The following SPX variants were observed in gnomAD, a reference collection of about 807,000 sequenced individuals.
SPX encodes spexin hormone.
SPX carries 22 observed loss-of-function variants against 19.2 expected under a neutral mutation model. The ratio of observed to expected loss-of-function variants is 1.15; its 90% confidence interval spans 0.82 to 1.64. The LOEUF (loss-of-function observed/expected upper bound fraction) is 1.64. Ranked by LOEUF, SPX falls within the 40% of genes most tolerant of loss-of-function variation. The probability of loss-of-function intolerance (pLI) is 0.00; values close to 1 mark genes in which losing one functional copy is unlikely to be tolerated. For missense variants in SPX, 143 were observed against 137.7 expected (o/e 1.04, Z -0.19); for synonymous variants, 50 against 53.3 (o/e 0.94, Z 0.27).
intron 5 of SPX, 110 bp downstream of exon 5, chr12:21,529,194 C>A: frequency 3.0e-6 from 3 of 1,011,584 alleles, no homozygotes; most frequent in Non-Finnish European, 4.6e-6. Flanking sequence ...GCCTTAGGCC[C>A]AGAAATTCTA....
chr12:21,527,354 G>A, intron 3 of SPX, 162 bp downstream of exon 3: 1 of 675,364 alleles, frequency 1.5e-6, no homozygotes, highest in Non-Finnish European at 2.6e-6. Context: ...TGGGAGAGGG[G>A]AAGAGTCCCT....
chr12:21,530,703 A>T (rs1446037571), intron 5 of SPX, among the ~76,000 whole-genome samples: 1 of 152,130 alleles, frequency 6.6e-6, no homozygotes, highest in Non-Finnish European at 1.5e-5. Flanking sequence ...AGCTCCCCTA[A>T]TAAAAGAACA....
In SPX at chr12:21,527,778, G is replaced by A; in HGVS notation, c.197G>A (p.Arg66Gln). The change falls in exon 4 of 6, where the codon CGG becomes CAG. Residue 66 changes from arginine to glutamine, a missense_variant. By Grantham distance (43) the Arg-to-Gln change is conservative (BLOSUM62 1). Coordinates refer to ENST00000256969, the MANE Select transcript of SPX (RefSeq NM_030572.4). ...AGCCGGAGAAAGGACCTCTCCGACC[G>A]GCCACTGCCGGGTGAGTGACCAAGG... ...DQSRRKDLSD[R>Q]PLPERRSPNP... 5.1e-6 allele frequency: 8 copies of A among 1,571,182 alleles called. No individual in the cohort carries two copies. The highest frequency in any genetic ancestry group is 6.9e-6 in the Non-Finnish European group (8 of 1,157,840).
At chr12:21,527,502 G>A in intron 3 of SPX, 1 of 611,204 alleles carries the variant, frequency 1.6e-6, no homozygotes, top group Non-Finnish European at 2.9e-6. Context: ...CGCCCTTGCG[G>A]CGTCCGGTCA....
intron 3 of SPX, 82 bp from the exon 4 acceptor site, chr12:21,527,645 C>A (rs568713597): frequency 1.4e-6 from 2 of 1,384,522 alleles, no homozygotes; most frequent in Non-Finnish European, 2.0e-6. Flanking sequence ...CCGGGGACTG[C>A]GCTGTGCCGG....
chr12:21,526,984 A>T lies in SPX; in HGVS notation c.87+18A>T, dbSNP rs748171112. 1 of 1,610,298 alleles carries T rather than the reference A, an allele frequency of 6.2e-7. No homozygotes were observed. The highest frequency in any genetic ancestry group is 8.5e-7 in the Non-Finnish European group (1 of 1,176,580). ...CTCCGCAGGTAATCAAATGCAAAAT[A>T]AAAAATTTTAAAACAATGCGCACTG... On this transcript the variant is annotated intron_variant, in intron 2 of 5. Transcript: ENST00000256969.
At chr12:21,528,954 C>A in intron 4 of SPX, 47 bp from the exon 5 acceptor site, 2 of 1,506,810 alleles carry the variant, frequency 1.3e-6, no homozygotes, top group Non-Finnish European at 1.8e-6. Flanking sequence ...TTATCTACAT[C>A]AATATATAAA....
chr12:21,527,961 A>C (rs1943830995), intron 4 of SPX, 172 bp downstream of exon 4: 3 of 662,750 alleles, frequency 4.5e-6, no homozygotes, highest in Non-Finnish European at 7.3e-6. Context: ...TGGCAGCAGC[A>C]GCAGCTGGAT....
At chr12:21,528,017 T>C in intron 4 of SPX, 1 of 539,848 alleles carries the variant, frequency 1.9e-6, no homozygotes. Context: ...CCCGCGCCAA[T>C]GGTGGCAAGG....
At chr12:21,531,011 A>G in intron 5 of SPX, 126 bp from the exon 6 acceptor site, 1 of 628,874 alleles carries the variant, frequency 1.6e-6, no homozygotes, top group Non-Finnish European at 2.8e-6. Flanking sequence ...TTTCAGTAGC[A>G]GAGTCCATAA....
intron 3 of SPX, 167 bp from the exon 4 acceptor site, chr12:21,527,560 G>A (rs1943826012): frequency 1.4e-6 from 1 of 696,374 alleles, no homozygotes. Flanking sequence ...CTCAGCCCGG[G>A]GTTGCGCTGG....
intron 3 of SPX, 42 bp downstream of exon 3, chr12:21,527,234 C>T: frequency 6.5e-7 from 1 of 1,536,666 alleles, no homozygotes; most frequent in Middle Eastern, 1.7e-4. Context: ...TAATGGAAGA[C>T]CCCTAGGAGT....
In SPX at chr12:21,527,536, T is replaced by C. The variant is rs922352826; in HGVS notation, c.146-191T>C. The C allele has an allele frequency of 7.8e-6, 5 of 643,026 alleles. No individual in the cohort carries two copies. In the African/African-American group the frequency reaches 9.2e-5, roughly 12 times the overall value. The allele number at this position is 643,026 out of a possible 1,614,324, so 39.8% of individuals were successfully genotyped here. On this transcript the variant is annotated intron_variant, in intron 3 of 5. Transcript: ENST00000256969. ...CAGGCGCGGGGCTTTCCTCCAGAGC[T>C]CCAGGGCCCCTGGCTCAGCCCGGGG...
chr12:21,529,054 T>G lies in SPX; in HGVS notation c.262T>G (p.Leu88Val). The G allele has an allele frequency of 6.2e-7, 1 of 1,614,142 alleles. No individual in the cohort carries two copies. Among genetic ancestry groups the G allele is most frequent in the East Asian group, 2.2e-5 (1 of 44,870 alleles). The change falls in exon 5 of 6, where the codon TTA becomes GTA. Residue 88 changes from leucine (L) to valine (V), a missense_variant. By Grantham distance (32) the Leu-to-Val change is conservative. Coordinates refer to ENST00000256969, the MANE Select transcript of SPX (RefSeq NM_030572.4). ...LLTIPEAATI[L>V]LASLQKSPED... ...AACTATTCCGGAGGCAGCAACCATC[T>G]TACTGGCGTCCCTTCAGAAATCACC... is the stretch of plus-strand genomic sequence containing the variant.
At chr12:21,527,404 T>A (rs1189731354) in intron 3 of SPX, 1 of 612,180 alleles carries the variant, frequency 1.6e-6, no homozygotes, top group Non-Finnish European at 2.9e-6. Context: ...AAATTCTCCA[T>A]CCAAAACTGG....
In SPX at chr12:21,531,338, T is replaced by C. The variant is rs1943863453; in HGVS notation, c.*143T>C. 3.4e-6 allele frequency: 2 copies of C among 588,458 alleles called. No homozygotes were observed. The highest frequency in any genetic ancestry group is 5.7e-6 in the Non-Finnish European group (2 of 352,890). The allele number at this position is 588,458 out of a possible 1,614,324, so 36.5% of individuals were successfully genotyped here. A position where few individuals can be genotyped will look rare whatever the true frequency, so the allele number is the denominator to read the frequency against. ...TTTATTCTTTCAGAAACAAAATATA[T>C]ATAGGATGCTTAGCTGAGAACATCA... On this transcript the variant is annotated 3_prime_UTR_variant, in exon 6 of 6. Coordinates refer to ENST00000256969, the MANE Select transcript of SPX (RefSeq NM_030572.4).
chr12:21,531,426 C>A lies in SPX; in HGVS notation c.*231C>A. ...AAAATGTTTTCAGATCACCTTGTGT[C>A]TTACTCTTGAGTTTCTTAGAATATT... On this transcript the variant is annotated 3_prime_UTR_variant, in exon 6 of 6. Transcript: ENST00000256969. 1 of 354,620 alleles carries A rather than the reference C, an allele frequency of 2.8e-6. No homozygotes were observed. Among genetic ancestry groups the A allele is most frequent in the Non-Finnish European group, 5.0e-6 (1 of 199,044 alleles). The allele number at this position is 354,620 out of a possible 1,614,324, so 22.0% of individuals were successfully genotyped here.
At position 21,529,061 on chromosome 12, in the gene SPX, C is replaced by T. The variant is rs373933361; in HGVS notation, c.269C>T (p.Ala90Val). 5.0e-6 allele frequency: 8 copies of T among 1,614,114 alleles called. No homozygotes were observed. The highest frequency in any genetic ancestry group is 1.7e-5 in the Admixed American group (1 of 60,018). The change falls in exon 5 of 6, where the codon GCG (alanine) becomes GTG (valine). Residue 90 changes from alanine (A) to valine (V), a missense_variant. Coordinates refer to ENST00000256969, the MANE Select transcript of SPX (RefSeq NM_030572.4). ...CCGGAGGCAGCAACCATCTTACTGG[C>T]GTCCCTTCAGAAATCACCAGAAGGT... ...TIPEAATILL[A>V]SLQKSPEDEE...
rs984382575 is a variant in SPX, at chr12:21,532,877, C to T, written c.*1682C>T. Reference sequence around the variant, plus strand: ...CTGTTAAAATATAGCTCCAAGTATTCTAAGTACTCAAATTCCTTGAATGTT... The same window carrying T: ...CTGTTAAAATATAGCTCCAAGTATTTTAAGTACTCAAATTCCTTGAATGTT... On this transcript the variant is annotated 3_prime_UTR_variant, in exon 6 of 6. Transcript: ENST00000256969. 2 of 152,178 alleles carry T rather than the reference C, an allele frequency of 1.3e-5. No homozygotes were observed. Among genetic ancestry groups the T allele is most frequent in the African/African-American group, 2.4e-5 (1 of 41,452 alleles). 9.4% of individuals were successfully genotyped at this position (152,178 alleles called of 1,614,324 possible).
Sources: gnomAD v4.1 joint callset for allele counts (sites outside exome capture counted in the v4.1 genomes callset) on GRCh38, gnomAD v4.1.1 for gene constraint, MANE v1.5 for transcripts, NCBI Gene and HGNC (gene_info 2026-07-23, HGNC 2026-07-21) for gene names.